PDE8B: variants seen among roughly 807,000 people sequenced by gnomAD.
PDE8B encodes the protein high affinity cAMP-specific and IBMX-insensitive 3',5'-cyclic phosphodiesterase 8B.
In PDE8B, 26 loss-of-function variants were observed where a neutral mutation model predicts 101.3. The observed-to-expected ratio is 0.26, with a 90% confidence interval of 0.19 to 0.36. PDE8B has a LOEUF of 0.36. PDE8B is among the 10% of genes least tolerant of loss of function. The probability of loss-of-function intolerance (pLI) is 1.00; values close to 1 mark genes in which losing one functional copy is unlikely to be tolerated. For synonymous variants in PDE8B, 424 were observed against 429.3 expected (o/e 0.99, Z 0.15); for missense variants, 810 against 1,163.1 (o/e 0.70, Z 4.42).
chr5:77,293,286 A>C (rs1226869823), intron 1 of PDE8B, among the ~76,000 whole-genome samples: 1 of 152,264 alleles, frequency 6.6e-6, no homozygotes, highest in Non-Finnish European at 1.5e-5. Flanking sequence ...CACAACTGGC[A>C]GAGCAAAATA....
At chr5:77,180,696 G>C in the PDE8B span, among the ~76,000 whole-genome samples, 1 of 152,234 alleles carries the variant, frequency 6.6e-6, no homozygotes, top group Admixed American at 6.5e-5. Context: ...AGCACCTCGA[G>C]CGTCTAGTGT....
intron 1 of PDE8B, among the ~76,000 whole-genome samples, chr5:77,256,212 A>G (rs1039690612): frequency 6.6e-6 from 1 of 152,188 alleles, no homozygotes; most frequent in Non-Finnish European, 1.5e-5. Context: ...TCAACATTCT[A>G]TTTCCACTCC....
intron 2 of PDE8B, among the ~76,000 whole-genome samples, chr5:77,325,073 TG>T: frequency 6.6e-6 from 1 of 152,206 alleles, no homozygotes; most frequent in Non-Finnish European, 1.5e-5. Context: ...TGTAACCAAC[TG>T]GAGGAGCTGG....
chr5:77,116,232 T>TC, the PDE8B span, among the ~76,000 whole-genome samples: 4 of 125,504 alleles, frequency 3.2e-5, no homozygotes, highest in Admixed American at 2.4e-4. Flanking sequence ...ATATTTTTTT[T>TC]TTTTTTTTTT....
At position 77,426,839 on chromosome 5, in the gene PDE8B, T is replaced by A; in HGVS notation, c.*285T>A. 2 of 391,420 alleles carry A rather than the reference T, an allele frequency of 5.1e-6. No homozygotes were observed. The highest frequency in any genetic ancestry group is 9.7e-6 in the Non-Finnish European group (2 of 206,294). The allele number at this position is 391,420 out of a possible 1,614,324, so 24.2% of individuals were successfully genotyped here. A position where few individuals can be genotyped will look rare whatever the true frequency, so the allele number is the denominator to read the frequency against. On this transcript the variant is annotated 3_prime_UTR_variant, in exon 22 of 22. Coordinates refer to ENST00000264917, the MANE Select transcript of PDE8B (RefSeq NM_003719.5). ...TACCCTTGTCAATCCATGGAGCTGGTTCACTGTAACTAGCAGGCCACAGGA... is the reference window on the plus strand; with the variant it reads ...TACCCTTGTCAATCCATGGAGCTGGATCACTGTAACTAGCAGGCCACAGGA...
chr5:77,354,977 C>G (rs746695594), intron 10 of PDE8B, among the ~76,000 whole-genome samples: 1 of 152,260 alleles, frequency 6.6e-6, no homozygotes, highest in Admixed American at 6.5e-5. Context: ...AAACTGCCCT[C>G]TCCCCTCTAG....
intron 1 of PDE8B, among the ~76,000 whole-genome samples, chr5:77,288,359 C>T (rs1237934048): frequency 3.9e-5 from 6 of 152,132 alleles, no homozygotes; most frequent in Non-Finnish European, 7.4e-5. Flanking sequence ...ATATGGACAC[C>T]AAAAGCCACA....
intron 10 of PDE8B, among the ~76,000 whole-genome samples, chr5:77,392,644 C>T (rs1790179177): frequency 6.6e-6 from 1 of 152,164 alleles, no homozygotes; most frequent in African/African-American, 2.4e-5. Flanking sequence ...AGATTAGCAT[C>T]CAAGATGGAG....
the PDE8B span, among the ~76,000 whole-genome samples, chr5:77,173,487 T>C: frequency 6.6e-6 from 1 of 152,178 alleles, no homozygotes; most frequent in Non-Finnish European, 1.5e-5. Flanking sequence ...AATCAGGATA[T>C]TCATGTATTT....
intron 1 of PDE8B, chr5:77,290,953 C>T (rs879191019): frequency 1.2e-6 from 2 of 1,611,496 alleles, no homozygotes; most frequent in South Asian, 1.1e-5. Context: ...GGAGCAGATA[C>T]CGGCACAGCA....
chr5:77,336,577 A>C (rs1778241349), intron 5 of PDE8B, among the ~76,000 whole-genome samples: 2 of 152,234 alleles, frequency 1.3e-5, no homozygotes, highest in Admixed American at 1.3e-4. Context: ...TTTTATGGTC[A>C]AGTAATAATC....
intron 21 of PDE8B, 99 bp downstream of exon 21, chr5:77,425,995 T>G: frequency 7.9e-7 from 1 of 1,263,112 alleles, no homozygotes; most frequent in South Asian, 1.2e-5. Flanking sequence ...ACAAAATATA[T>G]TTTTAAAAAT....
the PDE8B span, among the ~76,000 whole-genome samples, chr5:77,109,602 G>A: frequency 6.6e-6 from 1 of 152,108 alleles, no homozygotes; most frequent in Non-Finnish European, 1.5e-5. Context: ...GGGAATTTTC[G>A]GTGTGCTCAG....
intron 1 of PDE8B, among the ~76,000 whole-genome samples, chr5:77,256,512 A>G (rs1369465852): frequency 6.6e-6 from 1 of 152,222 alleles, no homozygotes; most frequent in Non-Finnish European, 1.5e-5. Context: ...GTAATGATGA[A>G]CATTTAGGTT....
rs761444971 is a variant in PDE8B, at chr5:77,329,041, G to A, written c.634G>A (p.Ala212Thr). The A allele has an allele frequency of 3.7e-6, 6 of 1,613,870 alleles. No individual in the cohort carries two copies. Among genetic ancestry groups the A allele is most frequent in the Non-Finnish European group, 5.1e-6 (6 of 1,179,786 alleles). Reference protein sequence around the residue: ...TNPSEHTVILAVVSRVSDDHE... With the variant: ...TNPSEHTVILTVVSRVSDDHE... ...TCCCTCCGAGCACACGGTGATCCTC[G>A]CAGTGGTTTCGCGAGTGTAAGTGCA... Residue 212 changes from alanine (A) to threonine (T), a missense_variant, in exon 4 of 22, where the codon GCA (alanine) becomes ACA (threonine). Around this residue, in one of 4 missense-constraint regions of PDE8B, gnomAD observed 251 missense variants for 378.8 expected, o/e 0.66. Transcript: ENST00000264917.
At chr5:77,412,649 AGGTGTTGG>A in intron 16 of PDE8B, among the ~76,000 whole-genome samples, 1 of 151,818 alleles carries the variant, frequency 6.6e-6, no homozygotes, top group Non-Finnish European at 1.5e-5. Flanking sequence ...TTCTTCCCAG[AGGTGTTGG>A]TCTGTTGGAT....
chr5:77,403,360 C>G (rs921401020), intron 11 of PDE8B, among the ~76,000 whole-genome samples: 2 of 152,088 alleles, frequency 1.3e-5, no homozygotes, highest in Non-Finnish European at 2.9e-5. Context: ...TTCTTCCTTT[C>G]CTGTGATCAG....
intron 1 of PDE8B, among the ~76,000 whole-genome samples, chr5:77,266,431 G>A (rs903658663): frequency 6.6e-6 from 1 of 152,162 alleles, no homozygotes; most frequent in Non-Finnish European, 1.5e-5. Context: ...CCATAGTGCT[G>A]AAGCGCTGTC....
chr5:77,411,568 A>T, intron 14 of PDE8B, 108 bp from the exon 15 acceptor site: 2 of 848,762 alleles, frequency 2.4e-6, no homozygotes, highest in Non-Finnish European at 3.9e-6. Context: ...AGACTTCCAG[A>T]TTGGTTGGGT....
Sources: gnomAD v4.1 joint callset for allele counts (sites outside exome capture counted in the v4.1 genomes callset) on GRCh38, gnomAD v4.1.1 for gene constraint, gnomAD v4.1.1 regional missense constraint, MANE v1.5 for transcripts, NCBI Gene and HGNC (gene_info 2026-07-23, HGNC 2026-07-21) for gene names.